The following LRRC51 variants were observed in gnomAD, a reference collection of about 807,000 sequenced individuals.
The protein encoded by LRRC51 is leucine rich repeat containing 51, also known as leucine-rich repeat-containing protein 51.
A neutral mutation model predicts 17.8 loss-of-function variants in LRRC51; 8 were observed. The observed-to-expected ratio is 0.45, with a 90% CI of 0.26 to 0.81. The LOEUF is 0.81. LRRC51 is among the 30% of genes least tolerant of loss of function. LRRC51 has a pLI of 0.17. For missense variants in LRRC51, 233 were observed against 239.3 expected, an observed-to-expected ratio of 0.97 and a Z score of 0.17; for synonymous variants, 92 against 96.0, an observed-to-expected ratio of 0.96 and a Z score of 0.24.
intron 3 of LRRC51, chr11:72,089,433 CA>C (rs1270860382): frequency 7.2e-7 from 1 of 1,390,168 alleles, no homozygotes; most frequent in East Asian, 3.6e-5. Flanking sequence ...TGAAAGGAAA[CA>C]GGGGGCTATC....
rs982612013 is a variant in LRRC51, at chr11:72,096,773, A to G, written c.*1253A>G. 1.4e-6 allele frequency: 2 copies of G among 1,456,704 alleles called. No homozygotes were observed. Among genetic ancestry groups the G allele is most frequent in the East Asian group, 2.6e-5 (1 of 37,898 alleles). 90.2% of individuals were successfully genotyped at this position (1,456,704 alleles called of 1,614,324 possible). On this transcript the variant is annotated 3_prime_UTR_variant, in exon 6 of 6. Coordinates refer to ENST00000289488, the MANE Select transcript of LRRC51 (RefSeq NM_145309.6). ...CACAGGCCTCCATGACAGGCCAAGA[A>G]GATGGCCTATGATCTCTGAAACCAG...
rs1945236686 is a variant in LRRC51, at chr11:72,096,820, A to T, written c.*1300A>T. 7.6e-7 allele frequency: 1 copy of T among 1,323,008 alleles called. No individual in the cohort carries two copies. The highest frequency in any genetic ancestry group is 9.8e-7 in the Non-Finnish European group (1 of 1,017,000). 82.0% of individuals were successfully genotyped at this position (1,323,008 alleles called of 1,614,324 possible). A position where few individuals can be genotyped will look rare whatever the true frequency, so the allele number is the denominator to read the frequency against. On this transcript the variant is annotated 3_prime_UTR_variant, in exon 6 of 6. Transcript: ENST00000289488. The stretch of plus-strand genomic sequence containing the variant: ...CCAGCCCCCACTTCAATCAGATCAA[A>T]GTAATTCCATTCTGTTTTATATGCT...
At chr11:72,094,896 G>T (rs1358937559) in intron 4 of LRRC51, 52 bp from the exon 5 acceptor site, 1 of 1,614,056 alleles carries the variant, frequency 6.2e-7, no homozygotes, top group African/African-American at 1.3e-5. Flanking sequence ...CCTGAGCAGA[G>T]ATTCAGGGTC....
chr11:72,093,248 G>C (rs1348144436), intron 3 of LRRC51, among the ~76,000 whole-genome samples: 2 of 152,252 alleles, frequency 1.3e-5, no homozygotes, highest in African/African-American at 4.8e-5. Flanking sequence ...CAGTGGTACA[G>C]TGGACATGAG....
At chr11:72,086,422 G>A in intron 1 of LRRC51, 1 of 702,244 alleles carries the variant, frequency 1.4e-6, no homozygotes, top group East Asian at 2.7e-5. Flanking sequence ...CTGTGAACAA[G>A]GTGTGGACTG....
Position 72,093,549 on chromosome 11 carries a change from T to G in LRRC51, c.136T>G (p.Ser46Ala). ...TGLRPLKRSK[S>A]GKSLTQSLWL... ...ACTACGACCACTGAAGCGTTCAAAG[T>G]CGGGGAAATCACTGACCCAGTCCCT... Residue 46 changes from serine (S) to alanine (A), a missense_variant, in exon 4 of 6, where the codon TCG (serine) becomes GCG (alanine). Physicochemically the swap from Ser to Ala is moderately conservative, Grantham distance 99. Transcript: ENST00000289488. 1 of 1,614,134 alleles carries G rather than the reference T, an allele frequency of 6.2e-7. No individual in the cohort carries two copies. Among genetic ancestry groups the G allele is most frequent in the Non-Finnish European group, 8.5e-7 (1 of 1,180,012 alleles).
At position 72,095,646 on chromosome 11, in the gene LRRC51, CAA is replaced by C; in HGVS notation, c.*127_*128del. On this transcript the variant is annotated 3_prime_UTR_variant, in exon 6 of 6. Coordinates refer to ENST00000289488, the MANE Select transcript of LRRC51 (RefSeq NM_145309.6). ...TTGTAGAGATGTTCTCTAACTCAGG[CAA>C]CTGCAAGTAGCTCTAGCCTTTTCTT... The C allele has an allele frequency of 1.9e-6, 3 of 1,541,018 alleles. No individual in the cohort carries two copies. Among genetic ancestry groups the C allele is most frequent in the Non-Finnish European group, 2.6e-6 (3 of 1,142,034 alleles).
chr11:72,093,682 A>C lies in LRRC51; in HGVS notation c.269A>C (p.Asp90Ala). 2 of 1,614,132 alleles carry C rather than the reference A, an allele frequency of 1.2e-6. No homozygotes were observed. Among genetic ancestry groups the C allele is most frequent in the South Asian group, 2.2e-5 (2 of 91,082 alleles). Residue 90 changes from aspartate to alanine, a missense_variant, in exon 4 of 6, where the codon GAC becomes GCC. Asp to Ala is a moderately radical substitution (Grantham distance 126, BLOSUM62 -2). Coordinates refer to ENST00000289488, the MANE Select transcript of LRRC51 (RefSeq NM_145309.6). ...GCCTGGATCGACCTGTCCTTTAATG[A>C]CCTGACTTCCATTGACCCTGTGAGT... ...NLAWIDLSFN[D>A]LTSIDPVLTT...
rs142061585 is a variant in LRRC51, at chr11:72,095,542, C to T, written c.*22C>T. 8.0e-4 allele frequency: 1,293 copies of T among 1,611,086 alleles called. 10 individuals carry two copies. In the African/African-American group the frequency reaches 0.016, roughly 20 times the overall value. ...TTGAGGCTCCCACGACCCTAGTAGT[C>T]CTAAAGGCCTAAGCATAGACAGCAT... On this transcript the variant is annotated 3_prime_UTR_variant, in exon 6 of 6. Transcript: ENST00000289488.
At chr11:72,087,901 A>ATAT (rs1489265651) in intron 1 of LRRC51, among the ~76,000 whole-genome samples, 1 of 151,496 alleles carries the variant, frequency 6.6e-6, no homozygotes, top group Non-Finnish European at 1.5e-5. Context: ...TTGTGACATT[A>ATAT]TATTTCTAGT....
In LRRC51 at chr11:72,094,600, T is replaced by C. The variant is rs1206895406; in HGVS notation, c.289-348T>C. ...TTAAAAGCTTCTTATGTGCCTAGCA[T>C]GATGCTCTGTCTTCCTGTTGCTTGC... is the stretch of plus-strand genomic sequence containing the variant. On this transcript the variant is annotated intron_variant, in intron 4 of 5. Transcript: ENST00000289488. 3 of 661,046 alleles carry C rather than the reference T, an allele frequency of 4.5e-6. No individual in the cohort carries two copies. The Admixed American group carries it at 6.8e-5, about 15-fold the overall frequency. 40.9% of individuals were successfully genotyped at this position (661,046 alleles called of 1,614,324 possible).
chr11:72,089,648 C>G, intron 3 of LRRC51: 1 of 1,120,804 alleles, frequency 8.9e-7, no homozygotes, highest in Non-Finnish European at 1.1e-6. Flanking sequence ...ATCTGACTGG[C>G]CAAACATGAG....
chr11:72,095,123 G>A (rs202177125), intron 5 of LRRC51, 27 bp downstream of exon 5: 43 of 1,610,642 alleles, frequency 2.7e-5, no homozygotes, highest in South Asian at 2.2e-4. Context: ...TGGAGGTAGC[G>A]TCTAGCTGGG....
At chr11:72,087,182 C>A (rs1275838894) in intron 1 of LRRC51, among the ~76,000 whole-genome samples, 1 of 151,928 alleles carries the variant, frequency 6.6e-6, no homozygotes. Context: ...ACCTACTAAA[C>A]TTGATCCATG....
chr11:72,091,119 A>G (rs780363636), intron 3 of LRRC51, among the ~76,000 whole-genome samples: 1 of 152,190 alleles, frequency 6.6e-6, no homozygotes, highest in Non-Finnish European at 1.5e-5. Flanking sequence ...CCTTGGTAAG[A>G]GCAGCTCCAG....
chr11:72,093,383 T>C, intron 3 of LRRC51, 113 bp from the exon 4 acceptor site: 2 of 1,045,158 alleles, frequency 1.9e-6, no homozygotes, highest in South Asian at 2.7e-5. Context: ...GCTATGGCCC[T>C]TCCAGACCCT....
chr11:72,091,717 C>G (rs1310732537), intron 3 of LRRC51, among the ~76,000 whole-genome samples: 1 of 152,192 alleles, frequency 6.6e-6, no homozygotes, highest in Non-Finnish European at 1.5e-5. Context: ...GCCAAACTTT[C>G]TGAGGATGTT....
At chr11:72,090,041 T>C (rs145811465) in intron 3 of LRRC51, among the ~76,000 whole-genome samples, 446 of 152,346 alleles carry the variant, frequency 2.9e-3, no homozygotes, top group African/African-American at 0.01. Context: ...AGGCAACTGG[T>C]AGCCACTGCC....
intron 1 of LRRC51, chr11:72,083,823 C>T (rs1403805411): frequency 6.6e-6 from 1 of 152,056 alleles, no homozygotes; most frequent in Non-Finnish European, 1.5e-5. Flanking sequence ...ACTTAGAGGC[C>T]CAGTGGCAGG....
Sources: allele counts gnomAD v4.1 joint callset (sites outside exome capture counted in the v4.1 genomes callset), GRCh38; gene constraint gnomAD v4.1.1; transcripts MANE v1.5; gene names NCBI Gene and HGNC (gene_info 2026-07-23, HGNC 2026-07-21).